Variants in WDR7 observed in about 807,000 individuals in gnomAD.
The protein encoded by WDR7 is WD repeat domain 7, also known as WD repeat-containing protein 7.
WDR7 carries 46 observed loss-of-function variants against 169.4 expected under a neutral mutation model. That is an observed-to-expected ratio of 0.27 (90% CI 0.21 to 0.35). WDR7 has a LOEUF of 0.35. Ranked by LOEUF, WDR7 falls within the 10% of genes least tolerant of loss-of-function variation. WDR7 has a pLI of 1.00. For synonymous variants in WDR7, 612 were observed against 666.8 expected (o/e 0.92, Z 1.27); for missense variants, 1,534 against 1,859.3 (o/e 0.83, Z 3.22).
At chr18:56,661,712 C>A (rs1174457172) in intron 1 of WDR7, among the ~76,000 whole-genome samples, 1 of 152,168 alleles carries the variant, frequency 6.6e-6, no homozygotes, top group African/African-American at 2.4e-5. Flanking sequence ...GTGTCCCTTA[C>A]AGCCCTTAAA....
intron 21 of WDR7, among the ~76,000 whole-genome samples, chr18:56,899,300 C>T (rs1221403364): frequency 6.6e-6 from 1 of 151,944 alleles, no homozygotes; most frequent in Non-Finnish European, 1.5e-5. Context: ...TATCCATGTC[C>T]ATTAAGCCAT....
intron 19 of WDR7, among the ~76,000 whole-genome samples, chr18:56,787,861 A>G (rs1206808167): frequency 6.6e-6 from 1 of 152,216 alleles, no homozygotes; most frequent in Non-Finnish European, 1.5e-5. Context: ...TAGTAAAAAT[A>G]GTTTAAATAT....
chr18:56,944,228 A>G (rs9955305), intron 25 of WDR7, among the ~76,000 whole-genome samples: 2,616 of 150,808 alleles, frequency 0.017, 77 homozygotes, highest in African/African-American at 0.06. Context: ...TCTTGACCTC[A>G]TGATCTGCCT....
intron 19 of WDR7, among the ~76,000 whole-genome samples, chr18:56,804,346 G>T (rs1458029915): frequency 1.3e-5 from 2 of 152,092 alleles, no homozygotes; most frequent in East Asian, 3.9e-4. Flanking sequence ...AAAACCCTGA[G>T]AATCATAATT....
At chr18:56,858,852 G>A (rs375831562) in intron 20 of WDR7, among the ~76,000 whole-genome samples, 4 of 152,120 alleles carry the variant, frequency 2.6e-5, no homozygotes, top group East Asian at 1.9e-4. Flanking sequence ...GACAGAAGTC[G>A]TCTCAACCCC....
At chr18:56,667,565 A>G (rs1390733992) in intron 1 of WDR7, among the ~76,000 whole-genome samples, 1 of 152,198 alleles carries the variant, frequency 6.6e-6, no homozygotes, top group Non-Finnish European at 1.5e-5. Context: ...GGTTAAGCAT[A>G]GAGTAATTTA....
At chr18:56,995,410 C>G (rs1321029125) in intron 26 of WDR7, among the ~76,000 whole-genome samples, 1 of 152,104 alleles carries the variant, frequency 6.6e-6, no homozygotes, top group Non-Finnish European at 1.5e-5. Context: ...GGGGAAGGAT[C>G]TGATTGATAG....
At chr18:56,792,301 G>A (rs1397975747) in intron 19 of WDR7, among the ~76,000 whole-genome samples, 2 of 152,138 alleles carry the variant, frequency 1.3e-5, no homozygotes, top group Non-Finnish European at 2.9e-5. Flanking sequence ...ACAGACATGA[G>A]CCACTGTACC....
At chr18:56,860,570 A>G (rs985276306) in intron 20 of WDR7, among the ~76,000 whole-genome samples, 101 of 152,336 alleles carry the variant, frequency 6.6e-4, no homozygotes, top group African/African-American at 2.3e-3. Flanking sequence ...TGAAAAAAAT[A>G]ATTTCAGGAA....
At chr18:56,663,670 T>C (rs1367900064) in intron 1 of WDR7, among the ~76,000 whole-genome samples, 1 of 150,970 alleles carries the variant, frequency 6.6e-6, no homozygotes, top group Non-Finnish European at 1.5e-5. Flanking sequence ...ACAGCATATA[T>C]ACATATATAT....
chr18:56,849,504 G>A (rs2045612460), intron 20 of WDR7, among the ~76,000 whole-genome samples: 1 of 151,252 alleles, frequency 6.6e-6, no homozygotes, highest in South Asian at 2.1e-4. Context: ...GCCCAGTTCT[G>A]GGGTCATCAA....
At chr18:56,727,654 C>T (rs62101711) in intron 13 of WDR7, among the ~76,000 whole-genome samples, 25,359 of 152,122 alleles carry the variant, frequency 0.17, 2,655 homozygotes, top group Admixed American at 0.27. Flanking sequence ...CCTCGTCCCA[C>T]GCTTGACACA....
chr18:56,663,904 T>C (rs1021963509), intron 1 of WDR7, among the ~76,000 whole-genome samples: 1 of 151,768 alleles, frequency 6.6e-6, no homozygotes, highest in African/African-American at 2.4e-5. Context: ...CAGGGTTAAG[T>C]CTTTGGAATT....
rs772052516 is a variant in WDR7, at chr18:56,758,893, T to C, written c.2788T>C (p.Ser930Pro). ...RPPRPSTPDL[S>P]KARGSPPTSS... ...ACCTAGACCAAGCACCCCAGACCTT[T>C]CTAAGGCAAGGGGTTCCCCTCCAAC... Residue 930 changes from serine to proline, a missense_variant, in exon 16 of 28, where the codon TCT (serine) becomes CCT (proline). By Grantham distance (74) the Ser-to-Pro change is moderately conservative. Transcript: ENST00000254442. 1.2e-6 allele frequency: 2 copies of C among 1,613,316 alleles called. No homozygotes were observed. Among genetic ancestry groups the C allele is most frequent in the South Asian group, 2.2e-5 (2 of 90,970 alleles).
intron 25 of WDR7, among the ~76,000 whole-genome samples, chr18:56,947,509 G>A (rs566824714): frequency 1.0e-3 from 155 of 152,328 alleles, no homozygotes; most frequent in African/African-American, 3.5e-3. Flanking sequence ...AGGCTTGGGA[G>A]GATAAACATC....
At chr18:56,738,136 C>T (rs994753844) in intron 14 of WDR7, among the ~76,000 whole-genome samples, 6 of 152,114 alleles carry the variant, frequency 3.9e-5, no homozygotes, top group Non-Finnish European at 8.8e-5. Flanking sequence ...AGGGGAAATA[C>T]ATTTTCTCAG....
intron 21 of WDR7, among the ~76,000 whole-genome samples, chr18:56,892,410 A>T (rs1180490527): frequency 6.6e-6 from 1 of 151,874 alleles, no homozygotes; most frequent in Non-Finnish European, 1.5e-5. Flanking sequence ...CCTTTACATA[A>T]CTCATTTTCC....
At chr18:56,656,565 C>G (rs538084069) in intron 1 of WDR7, among the ~76,000 whole-genome samples, 8 of 141,948 alleles carry the variant, frequency 5.6e-5, no homozygotes, top group African/African-American at 2.1e-4. Flanking sequence ...TAGATGTGAG[C>G]CACTGCGCCC....
At chr18:56,901,449 A>G (rs528103262) in intron 21 of WDR7, among the ~76,000 whole-genome samples, 12 of 152,134 alleles carry the variant, frequency 7.9e-5, no homozygotes, top group Non-Finnish European at 1.0e-4. Context: ...CTACCTCTGT[A>G]GAGTAAGCAC....
Sources: allele counts gnomAD v4.1 joint callset (sites outside exome capture counted in the v4.1 genomes callset), GRCh38; gene constraint gnomAD v4.1.1; transcripts MANE v1.5; gene names NCBI Gene and HGNC (gene_info 2026-07-23, HGNC 2026-07-21).